PRPSAP2: variants seen among roughly 807,000 people sequenced by gnomAD.
PRPSAP2 encodes the protein phosphoribosyl pyrophosphate synthase-associated protein 2.
Under a neutral mutation model 40.6 loss-of-function variants are expected in PRPSAP2, and 24 were observed. The ratio of observed to expected loss-of-function variants is 0.59; its 90% CI spans 0.43 to 0.83. The LOEUF is 0.83. PRPSAP2 is among the 40% of genes least tolerant of loss of function. The pLI is 0.00. For missense variants in PRPSAP2, 292 were observed against 465.6 expected, an observed-to-expected ratio of 0.63 and a Z score of 3.43; for synonymous variants, 149 against 164.7, an observed-to-expected ratio of 0.90 and a Z score of 0.73.
intron 9 of PRPSAP2, among the ~76,000 whole-genome samples, chr17:18,920,438 T>G (rs2041629920): frequency 6.6e-6 from 1 of 152,186 alleles, no homozygotes; most frequent in African/African-American, 2.4e-5. Flanking sequence ...AATGTTTCTA[T>G]GTTTATGTTT....
At chr17:18,903,820 T>C (rs540451177) in intron 8 of PRPSAP2, among the ~76,000 whole-genome samples, 3 of 152,320 alleles carry the variant, frequency 2.0e-5, no homozygotes, top group East Asian at 1.9e-4. Flanking sequence ...GGTTGTCTTA[T>C]ATCCCGTAGC....
At chr17:18,869,818 T>C (rs74766434) in intron 4 of PRPSAP2, among the ~76,000 whole-genome samples, 2,958 of 126,310 alleles carry the variant, frequency 0.023, 47 homozygotes, top group Non-Finnish European at 0.037. Flanking sequence ...CCTCACAATC[T>C]GTTCCCATTT....
intron 3 of PRPSAP2, among the ~76,000 whole-genome samples, chr17:18,866,679 A>ACACAGACCTT (rs1187153067): frequency 3.3e-5 from 5 of 152,330 alleles, no homozygotes; most frequent in Admixed American, 1.3e-4. Context: ...ACCTTGATCT[A>ACACAGACCTT]GATGTTGGGG....
Position 18,877,689 on chromosome 17 carries a change from T to C in PRPSAP2, c.240-9T>C. Reference sequence around the variant, plus strand: ...TCCCTTGATGAGATTTGCTGTGTCTTTGTTACAGGGACGTGAACACCACCA... The same window carrying C: ...TCCCTTGATGAGATTTGCTGTGTCTCTGTTACAGGGACGTGAACACCACCA... On this transcript the variant is annotated splice_polypyrimidine_tract_variant and intron_variant, in intron 5 of 11. Coordinates refer to ENST00000268835, the MANE Select transcript of PRPSAP2 (RefSeq NM_002767.4). The C allele has an allele frequency of 1.9e-6, 3 of 1,597,884 alleles. No homozygotes were observed. The highest frequency in any genetic ancestry group is 2.6e-6 in the Non-Finnish European group (3 of 1,173,910).
intron 7 of PRPSAP2, among the ~76,000 whole-genome samples, chr17:18,887,528 C>A (rs1299862935): frequency 2.6e-5 from 4 of 152,138 alleles, no homozygotes; most frequent in Admixed American, 2.0e-4. Flanking sequence ...CGTGCCTGGC[C>A]ATCTTTGGGA....
upstream of PRPSAP2, among the ~76,000 whole-genome samples, chr17:18,857,043 A>C (rs1243906061): frequency 6.6e-6 from 1 of 152,178 alleles, no homozygotes. Flanking sequence ...AACGATAATA[A>C]CTGATAATGG....
At chr17:18,887,740 C>T (rs2039267192) in intron 7 of PRPSAP2, among the ~76,000 whole-genome samples, 1 of 152,036 alleles carries the variant, frequency 6.6e-6, no homozygotes, top group South Asian at 2.1e-4. Flanking sequence ...TGTGTTTATT[C>T]TGCTGTTAAG....
chr17:18,904,032 T>C (rs1207892775), intron 8 of PRPSAP2, among the ~76,000 whole-genome samples: 1 of 152,124 alleles, frequency 6.6e-6, no homozygotes, highest in Non-Finnish European at 1.5e-5. Context: ...GGGCTGACTT[T>C]TATCAGTCAG....
chr17:18,930,041 T>C (rs1335548737), intron 11 of PRPSAP2, among the ~76,000 whole-genome samples: 2 of 152,160 alleles, frequency 1.3e-5, no homozygotes, highest in Non-Finnish European at 2.9e-5. Context: ...TTTTTTGCCA[T>C]ACCTATCCTA....
intron 6 of PRPSAP2, among the ~76,000 whole-genome samples, chr17:18,878,916 C>T (rs2038508625): frequency 6.6e-6 from 1 of 152,168 alleles, no homozygotes; most frequent in Non-Finnish European, 1.5e-5. Flanking sequence ...GTTGCCCAGG[C>T]TGGAGTGCAG....
At chr17:18,866,438 C>T (rs111318719) in intron 3 of PRPSAP2, among the ~76,000 whole-genome samples, 3 of 152,102 alleles carry the variant, frequency 2.0e-5, no homozygotes, top group African/African-American at 7.2e-5. Context: ...GTGGCGGGCA[C>T]CTGTAGTCCC....
At chr17:18,856,410 C>G (rs2036594922), upstream of PRPSAP2, 1 of 152,170 alleles carries the variant, frequency 6.6e-6, no homozygotes, top group South Asian at 2.1e-4. Context: ...CGAGGTACCG[C>G]TGAAGAGGAA....
chr17:18,883,300 T>C (rs1186114572), intron 7 of PRPSAP2, among the ~76,000 whole-genome samples: 2 of 152,210 alleles, frequency 1.3e-5, no homozygotes, highest in Non-Finnish European at 1.5e-5. Context: ...CATTTGTTTT[T>C]CTTTGATATG....
intron 7 of PRPSAP2, among the ~76,000 whole-genome samples, chr17:18,885,403 CAAAAA>C (rs775079199): frequency 0.019 from 208 of 10,976 alleles, 13 homozygotes; most frequent in Admixed American, 0.12. Flanking sequence ...TTCCTTCTCA[CAAAAA>C]AAAAAAAAAA....
At chr17:18,869,865 TGA>T (rs1555548081) in intron 4 of PRPSAP2, among the ~76,000 whole-genome samples, 13 of 147,770 alleles carry the variant, frequency 8.8e-5, no homozygotes, top group African/African-American at 3.0e-4. Context: ...TGTGTGTGTG[TGA>T]GACAGAGTCT....
chr17:18,914,248 G>GTTTTTT (rs1567738744), intron 9 of PRPSAP2, among the ~76,000 whole-genome samples: 1 of 76,482 alleles, frequency 1.3e-5, no homozygotes, highest in African/African-American at 5.2e-5. Context: ...ACATGTTTTT[G>GTTTTTT]CTTTTTTTTT....
intron 8 of PRPSAP2, among the ~76,000 whole-genome samples, chr17:18,909,302 C>A (rs2040808234): frequency 6.9e-6 from 1 of 145,264 alleles, no homozygotes; most frequent in Non-Finnish European, 1.5e-5. Flanking sequence ...AGTGCATTGG[C>A]ACTATCTCCA....
intron 8 of PRPSAP2, among the ~76,000 whole-genome samples, chr17:18,893,295 C>A (rs1235586513): frequency 6.6e-6 from 1 of 151,688 alleles, no homozygotes; most frequent in East Asian, 1.9e-4. Context: ...ATTACAGGTG[C>A]CCGCCACCAC....
At chr17:18,909,769 G>A (rs975947259) in intron 8 of PRPSAP2, among the ~76,000 whole-genome samples, 1 of 151,930 alleles carries the variant, frequency 6.6e-6, no homozygotes, top group African/African-American at 2.4e-5. Context: ...GCCAGGCGTG[G>A]TGGCACGTGC....
Sources: gnomAD v4.1 joint callset for allele counts (sites outside exome capture counted in the v4.1 genomes callset) on GRCh38, gnomAD v4.1.1 for gene constraint, MANE v1.5 for transcripts, NCBI Gene and HGNC (gene_info 2026-07-23, HGNC 2026-07-21) for gene names.